The following NELFA variants were observed in gnomAD, a reference collection of about 807,000 sequenced individuals.
NELFA encodes the protein negative elongation factor A.
Under a neutral mutation model 51.8 loss-of-function variants are expected in NELFA, and 35 were observed. The ratio of observed to expected loss-of-function variants is 0.68; its 90% CI spans 0.52 to 0.90. The LOEUF (loss-of-function observed/expected upper bound fraction) is 0.90. NELFA is among the 40% of genes least tolerant of loss of function. The pLI is 0.00. For synonymous variants in NELFA, 417 were observed against 338.4 expected (o/e 1.23, Z -2.55); for missense variants, 658 against 746.4 (o/e 0.88, Z 1.38).
chr4:1,991,454 G>A, intron 2 of NELFA, 90 bp downstream of exon 2: 1 of 1,354,324 alleles, frequency 7.4e-7, no homozygotes, highest in Non-Finnish European at 1.0e-6. Context: ...AAAACGTAAA[G>A]GTCTAAAAAT....
intron 7 of NELFA, 42 bp downstream of exon 7, chr4:1,985,733 AC>A: frequency 6.5e-7 from 1 of 1,535,596 alleles, no homozygotes; most frequent in Non-Finnish European, 9.0e-7. Context: ...CAAAAGGGGC[AC>A]CCGCAGTGGT....
In NELFA at chr4:1,986,291, C is replaced by T. The variant is rs370942710; in HGVS notation, c.746G>A (p.Arg249Gln). 3.8e-6 allele frequency: 6 copies of T among 1,585,490 alleles called. No homozygotes were observed. In the African/African-American group the frequency reaches 4.0e-5, roughly 11 times the overall value. Reference protein sequence around the residue: ...TPIPPSRTLLRKERGVKLLDI... With the variant: ...TPIPPSRTLLQKERGVKLLDI... Reference sequence around the variant, plus strand: ...GCCTACCTTCACACCTCGTTCCTTCCGCAGCAGCGTCCTGGAAGGCGGGAT... The same window carrying T: ...GCCTACCTTCACACCTCGTTCCTTCTGCAGCAGCGTCCTGGAAGGCGGGAT... Residue 249 changes from arginine (R) to glutamine (Q), a missense_variant, in exon 5 of 11, where the codon CGG (arginine) becomes CAG (glutamine). Physicochemically the swap from Arg to Gln is conservative, Grantham distance 43 (BLOSUM62 1). Around this residue, in one of 3 missense-constraint regions of NELFA, gnomAD observed 371 missense variants for 448.3 expected, o/e 0.83. Transcript: ENST00000382882.
In NELFA at chr4:1,983,181, A is replaced by T; in HGVS notation, c.*138T>A. On this transcript the variant is annotated 3_prime_UTR_variant, in exon 11 of 11. Coordinates refer to ENST00000382882, the MANE Select transcript of NELFA (RefSeq NM_005663.5). ...CCCCAGAGAAATGCATCCAGAACTT[A>T]AAACAGGCTGGGTCAGCAGCAGGGC... The T allele has an allele frequency of 3.8e-6, 3 of 782,584 alleles. No homozygotes were observed. Among genetic ancestry groups the T allele is most frequent in the Non-Finnish European group, 5.9e-6 (3 of 505,806 alleles). The allele number at this position is 782,584 out of a possible 1,614,324, so 48.5% of individuals were successfully genotyped here. A position where few individuals can be genotyped will look rare whatever the true frequency, so the allele number is the denominator to read the frequency against.
chr4:1,994,437 C>A (rs1294277531), intron 1 of NELFA, among the ~76,000 whole-genome samples: 1 of 151,978 alleles, frequency 6.6e-6, no homozygotes, highest in Non-Finnish European at 1.5e-5. Context: ...TGGTGGTGCA[C>A]TCCTGTAATC....
At chr4:1,985,636 C>T (rs556486647) in intron 7 of NELFA, 140 bp downstream of exon 7, 54 of 662,802 alleles carry the variant, frequency 8.1e-5, no homozygotes, top group Middle Eastern at 2.7e-4. Context: ...TGTACATATA[C>T]GTATATATAC....
chr4:1,991,703 G>A lies in NELFA; in HGVS notation c.223C>T (p.Leu75=). 6.2e-7 allele frequency: 1 copy of A among 1,601,174 alleles called. No individual in the cohort carries two copies. The highest frequency in any genetic ancestry group is 1.1e-5 in the South Asian group (1 of 89,218). The change falls in exon 2 of 11, where the codon CTA becomes TTA. Residue 75 remains leucine (L), a synonymous_variant. Coordinates refer to ENST00000382882, the MANE Select transcript of NELFA (RefSeq NM_005663.5). ...RRTVDEMKGA[L]MEIIQLASLD... ...CTGGCGAGCTGGATGATCTCCATTAGGGCGCCCTTCATCTGCAAAATAGGA... is the reference window on the plus strand; with the variant it reads ...CTGGCGAGCTGGATGATCTCCATTAAGGCGCCCTTCATCTGCAAAATAGGA...
intron 1 of NELFA, among the ~76,000 whole-genome samples, chr4:1,993,840 G>A (rs1366449056): frequency 7.2e-6 from 1 of 139,668 alleles, no homozygotes; most frequent in Non-Finnish European, 1.5e-5. Context: ...TGTTGTCGTC[G>A]CCCGGGCTGG....
chr4:1,984,032 C>T lies in NELFA; in HGVS notation c.1118G>A (p.Arg373Gln), dbSNP rs754212367. ...SPTLPAQFKQRAPMYNSGLSP... is the reference protein window; with the variant it reads ...SPTLPAQFKQQAPMYNSGLSP... ...CAGGCCGCTGTTGTACATGGGCGCCCGCTGCTTGAACTGCGCTGGCAACGT... is the reference window on the plus strand; with the variant it reads ...CAGGCCGCTGTTGTACATGGGCGCCTGCTGCTTGAACTGCGCTGGCAACGT... The change falls in exon 9 of 11, where the codon CGG becomes CAG. Residue 373 changes from arginine (R) to glutamine (Q), a missense_variant. Physicochemically the swap from Arg to Gln is conservative, Grantham distance 43. Transcript: ENST00000382882. The T allele has an allele frequency of 7.5e-6, 12 of 1,607,004 alleles. No individual in the cohort carries two copies. The highest frequency in any genetic ancestry group is 4.2e-6 in the Non-Finnish European group (5 of 1,179,370).
intron 1 of NELFA, among the ~76,000 whole-genome samples, chr4:2,004,631 C>T (rs771959424): frequency 1.0e-4 from 15 of 150,462 alleles, no homozygotes; most frequent in Non-Finnish European, 1.9e-4. Flanking sequence ...GGGACCACAG[C>T]CATGTGCCGC....
chr4:1,987,759 T>G, intron 4 of NELFA, 159 bp downstream of exon 4: 2 of 605,442 alleles, frequency 3.3e-6, no homozygotes, highest in Non-Finnish European at 5.6e-6. Flanking sequence ...GAGAAGCCGG[T>G]GAAATTGCCC....
Position 1,983,265 on chromosome 4 carries a change from A to G in NELFA, c.*54T>C. On this transcript the variant is annotated 3_prime_UTR_variant, in exon 11 of 11. Transcript: ENST00000382882. ...CCATCCGGTTACTTTAAGCTGGCAA[A>G]GCCATCGTCCCGTGGACCCCCACAA... 10 of 1,550,434 alleles carry G rather than the reference A, an allele frequency of 6.4e-6. No individual in the cohort carries two copies. The highest frequency in any genetic ancestry group is 7.9e-6 in the Non-Finnish European group (9 of 1,140,038).
intron 1 of NELFA, among the ~76,000 whole-genome samples, chr4:1,995,628 T>C (rs1435449976): frequency 6.6e-6 from 1 of 152,164 alleles, no homozygotes; most frequent in Non-Finnish European, 1.5e-5. Context: ...CCAAGAAACA[T>C]ACATATAAAA....
In NELFA at chr4:2,005,694, AAAACAAAC is replaced by A. The variant is rs541078213; in HGVS notation, c.210+3048_210+3055del. Among the ~76,000 whole-genome samples the A allele has an allele frequency of 2.4e-3, 358 of 152,224 alleles. 2 individuals are homozygous for A. The highest frequency in any genetic ancestry group is 6.4e-3 in the African/African-American group (267 of 41,518). On this transcript the variant is annotated intron_variant, in intron 1 of 10. Coordinates refer to ENST00000382882, the MANE Select transcript of NELFA (RefSeq NM_005663.5). The stretch of plus-strand genomic sequence containing the variant: ...GTGAGAGAGTGAGATCTCCGTCTAA[AAAACAAAC>A]AAACAAACAAACAAACAAAAACAAA...
chr4:2,001,320 TAA>T (rs1728560922), intron 1 of NELFA, among the ~76,000 whole-genome samples: 1 of 152,094 alleles, frequency 6.6e-6, no homozygotes, highest in Admixed American at 6.5e-5. Flanking sequence ...GAGAAAGAAA[TAA>T]AGAGTATTCA....
In NELFA at chr4:1,983,387, C is replaced by G. The variant is rs1470549643; in HGVS notation, c.1519G>C (p.Glu507Gln). 2 of 1,614,100 alleles carry G rather than the reference C, an allele frequency of 1.2e-6. No homozygotes were observed. The highest frequency in any genetic ancestry group is 1.7e-6 in the Non-Finnish European group (2 of 1,180,048). Residue 507 changes from glutamate to glutamine, a missense_variant, in exon 11 of 11, where the codon GAG becomes CAG. By Grantham distance (29) the Glu-to-Gln change is conservative (BLOSUM62 2). This residue lies in a region of NELFA where 87 missense variants were observed against 130.2 expected (regional missense o/e 0.67). Transcript: ENST00000382882. ...STTMLVDTVF[E>Q]MNYATGQWTR... ...CACTGGCCCGTGGCATAGTTCATCTCAAACACTGTGTCCACCAGCATGGTT... is the reference window on the plus strand; with the variant it reads ...CACTGGCCCGTGGCATAGTTCATCTGAAACACTGTGTCCACCAGCATGGTT...
At chr4:1,985,188 G>GA (rs1167917606) in intron 7 of NELFA, among the ~76,000 whole-genome samples, 1 of 152,184 alleles carries the variant, frequency 6.6e-6, no homozygotes, top group African/African-American at 2.4e-5. Flanking sequence ...CAGAAGGAGC[G>GA]ATGCTTTTTC....
In NELFA at chr4:1,984,069, C is replaced by T. The variant is rs1476304618; in HGVS notation, c.1081G>A (p.Ala361Thr). The T allele has an allele frequency of 5.0e-6, 8 of 1,595,892 alleles. No homozygotes were observed. Among genetic ancestry groups the T allele is most frequent in the East Asian group, 2.2e-5 (1 of 44,736 alleles). ...TGCGCTGGCAACGTGGGGCTCGGGG[C>T]GCTGGGCTCCTCTGGTGGGCGGCTG... ...EASRPPEEPS[A>T]PSPTLPAQFK... Residue 361 changes from alanine (A) to threonine (T), a missense_variant, in exon 9 of 11, where the codon GCC (alanine) becomes ACC (threonine). Ala to Thr is a moderately conservative substitution (Grantham distance 58). This residue lies in a region of NELFA where 200 missense variants were observed against 167.9 expected (regional missense o/e 1.19). Transcript: ENST00000382882.
In NELFA at chr4:1,987,766, GC is replaced by G. The variant is rs2109056925; in HGVS notation, c.634+151del. The G allele has an allele frequency of 3.0e-5, 19 of 625,290 alleles. No homozygotes were observed. The South Asian group carries it at 3.9e-4, about 13-fold the overall frequency. 38.7% of individuals were successfully genotyped at this position (625,290 alleles called of 1,614,324 possible). A position where few individuals can be genotyped will look rare whatever the true frequency, so the allele number is the denominator to read the frequency against. The stretch of plus-strand genomic sequence containing the variant: ...CCCAAGGGGAGAAGCCGGTGAAATT[GC>G]CCCAGTGCCTTCGCTTTCCCACGGG... On this transcript the variant is annotated intron_variant, in intron 4 of 10. Transcript: ENST00000382882.
chr4:1,987,203 T>A (rs1728131464), intron 4 of NELFA, among the ~76,000 whole-genome samples: 1 of 152,164 alleles, frequency 6.6e-6, no homozygotes, highest in South Asian at 2.1e-4. Context: ...GGGAGCTGCA[T>A]GGAGAGCGCC....
Sources: gnomAD v4.1 joint callset for allele counts (sites outside exome capture counted in the v4.1 genomes callset) on GRCh38, gnomAD v4.1.1 for gene constraint, gnomAD v4.1.1 regional missense constraint, MANE v1.5 for transcripts, NCBI Gene and HGNC (gene_info 2026-07-23, HGNC 2026-07-21) for gene names.